The following SRCAP variants were observed in gnomAD, a reference collection of about 807,000 sequenced individuals.
The protein encoded by SRCAP is Snf2 related CREBBP activator protein.
Under a neutral mutation model 263.1 loss-of-function variants are expected in SRCAP, and 46 were observed. The ratio of observed to expected loss-of-function variants is 0.17; its 90% CI spans 0.14 to 0.22. The LOEUF is 0.22. Ranked by LOEUF, SRCAP falls within the 10% of genes least tolerant of loss-of-function variation. The pLI is 1.00. For synonymous variants in SRCAP, 1,813 were observed against 1,662.1 expected (o/e 1.09, Z -2.21); for missense variants, 3,695 against 4,181.9 (o/e 0.88, Z 3.21).
chr16:30,710,038 C>A lies in SRCAP; in HGVS notation c.1044C>A (p.Ser348=). The change falls in exon 8 of 34, where the codon TCC becomes TCA. Residue 348 remains serine (S), a synonymous_variant. Transcript: ENST00000262518. ...SLPPQLLEGP[S]SPSQTPSSHD... ...CCCCTCAGCTGTTGGAAGGGCCTTC[C>A]AGCCCCTCTCAAACCCCCTCATCTC... 8 of 1,614,134 alleles carry A rather than the reference C, an allele frequency of 5.0e-6. No homozygotes were observed. Among genetic ancestry groups the A allele is most frequent in the Non-Finnish European group, 6.8e-6 (8 of 1,180,016 alleles).
chr16:30,717,427 T>A (rs879119326), intron 18 of SRCAP, among the ~76,000 whole-genome samples: 2 of 152,044 alleles, frequency 1.3e-5, no homozygotes. Context: ...TAGTGTTTTT[T>A]GATGCACAAA....
At position 30,721,966 on chromosome 16, in the gene SRCAP, G is replaced by C. The variant is rs191718765; in HGVS notation, c.3542-156G>C. On this transcript the variant is annotated intron_variant, in intron 21 of 33. Transcript: ENST00000262518. ...GTAGCACATGAAAAGCTCAAAGGCT[G>C]TAGGTGGAGGCTGAGTTTATTGGGA... is the stretch of plus-strand genomic sequence containing the variant. 5.3e-5 allele frequency among the ~76,000 whole-genome samples: 8 copies of C among 152,326 alleles called. No individual in the cohort carries two copies. In the East Asian group the frequency reaches 1.5e-3, roughly 29 times the overall value.
Position 30,699,217 on chromosome 16 carries a change from C to CA in SRCAP, c.-307dup, listed in dbSNP as rs2052738183. 2.5e-6 allele frequency: 1 copy of CA among 398,600 alleles called. No homozygotes were observed. Among genetic ancestry groups the CA allele is most frequent in the South Asian group, 1.3e-4 (1 of 7,858 alleles). The allele number at this position is 398,600 out of a possible 1,614,324, so 24.7% of individuals were successfully genotyped here. A position where few individuals can be genotyped will look rare whatever the true frequency, so the allele number is the denominator to read the frequency against. ...GGGAGATGGTCACGAAACCTGAAGT[C>CA]AAGAGTTAAGGCTTGTTGGCTTCTG... On this transcript the variant is annotated 5_prime_UTR_variant, in exon 1 of 34. The change abolishes the stop of an existing upstream ORF in the 5' untranslated region. Transcript: ENST00000262518.
Position 30,739,450 on chromosome 16 carries a change from C to A in SRCAP, c.9410C>A (p.Pro3137His). The change falls in exon 34 of 34, where the codon CCT becomes CAT. Residue 3137 changes from proline to histidine, a missense_variant. This residue lies in a region of SRCAP where 1,207 missense variants were observed against 1,142.9 expected (regional missense o/e 1.06). Coordinates refer to ENST00000262518, the MANE Select transcript of SRCAP (RefSeq NM_006662.3). ...CCCCCACTAGAGACTGAGAAGTTGC[C>A]TCGCAAACGAGCAGGGGCCCCAGTT... ...LVPPLETEKL[P>H]RKRAGAPVGG... 2 of 1,614,210 alleles carry A rather than the reference C, an allele frequency of 1.2e-6. No individual in the cohort carries two copies. The highest frequency in any genetic ancestry group is 1.7e-6 in the Non-Finnish European group (2 of 1,180,034).
Position 30,722,408 on chromosome 16 carries a change from C to T in SRCAP, c.3706+122C>T, listed in dbSNP as rs769727212. On this transcript the variant is annotated intron_variant, in intron 22 of 33. Coordinates refer to ENST00000262518, the MANE Select transcript of SRCAP (RefSeq NM_006662.3). ...CCAAGCTTTTGGTGGGTGGGGCCAA[C>T]GGGCATGGTTGGAGGGATCTTGGAT... is the stretch of plus-strand genomic sequence containing the variant. 253 of 1,510,170 alleles carry T rather than the reference C, an allele frequency of 1.7e-4. 1 individual carries two copies. The highest frequency in any genetic ancestry group is 2.0e-4 in the Non-Finnish European group (229 of 1,118,426). 93.5% of individuals were successfully genotyped at this position (1,510,170 alleles called of 1,614,324 possible).
chr16:30,701,623 A>G (rs946721442), intron 3 of SRCAP, among the ~76,000 whole-genome samples: 4 of 139,832 alleles, frequency 2.9e-5, no homozygotes, highest in Non-Finnish European at 6.2e-5. Flanking sequence ...TTTGTTTTCC[A>G]TTTTTTTCTT....
rs144472706 is a variant in SRCAP at position 30,710,782 on chromosome 16, A to G, written c.1163A>G (p.Gln388Arg). The G allele has an allele frequency of 1.9e-6, 3 of 1,614,164 alleles. No individual in the cohort carries two copies. The highest frequency in any genetic ancestry group is 2.2e-5 in the South Asian group (2 of 91,086). Residue 388 changes from glutamine (Q) to arginine (R), a missense_variant, in exon 9 of 34, where the codon CAG (glutamine) becomes CGG (arginine). Coordinates refer to ENST00000262518, the MANE Select transcript of SRCAP (RefSeq NM_006662.3). ...AAGCCCCCACCCTCTGCTGTCACAC[A>G]GCGCAACAAACAGCCTTGGCATCCA... ...EIKPPPSAVTQRNKQPWHPDE... is the reference protein window; with the variant it reads ...EIKPPPSAVTRRNKQPWHPDE...
rs1464985624 is a variant in SRCAP at position 30,722,953 on chromosome 16, C to T, written c.3893-10C>T. 1 of 1,600,976 alleles carries T rather than the reference C, an allele frequency of 6.2e-7. No homozygotes were observed. The highest frequency in any genetic ancestry group is 8.5e-7 in the Non-Finnish European group (1 of 1,170,016). ...TTCTACCTTCCTCTCAGTGTAGCTT[C>T]CTCTTGCAGTGCCACCAACCATGGT... On this transcript the variant is annotated splice_polypyrimidine_tract_variant and intron_variant, in intron 23 of 33. Transcript: ENST00000262518.
At chr16:30,716,249 AGGT>A (rs1319537616) in intron 17 of SRCAP, 41 bp from the exon 18 acceptor site, 1 of 1,613,434 alleles carries the variant, frequency 6.2e-7, no homozygotes, top group Admixed American at 1.7e-5. Flanking sequence ...ATTGGAGTGT[AGGT>A]GGCTGTTAGG....
At chr16:30,722,896 A>G (rs1469367983) in intron 23 of SRCAP, 67 bp from the exon 24 acceptor site, 17 of 1,556,554 alleles carry the variant, frequency 1.1e-5, no homozygotes, top group Admixed American at 5.6e-5. Context: ...CTGCCCCTGG[A>G]CTTCTTCCAT....
Position 30,710,994 on chromosome 16 carries a change from C to G in SRCAP, c.1229-5C>G. On this transcript the variant is annotated splice_region_variant and splice_polypyrimidine_tract_variant and intron_variant, in intron 9 of 33. Transcript: ENST00000262518. ...CTATTAATCTTGCTTCTGTCTCTTT[C>G]CTAGCGGAGGATGAAGAGGATACTA... is the stretch of plus-strand genomic sequence containing the variant. The G allele has an allele frequency of 6.2e-7, 1 of 1,613,532 alleles. No homozygotes were observed. The highest frequency in any genetic ancestry group is 1.3e-5 in the African/African-American group (1 of 75,028).
chr16:30,714,506 G>GTTTTTTTTT (rs1596649452), intron 16 of SRCAP, among the ~76,000 whole-genome samples: 1 of 10,022 alleles, frequency 1.0e-4, no homozygotes. Flanking sequence ...ACCGTGCCGG[G>GTTTTTTTTT]CTTTTTTTTT....
intron 30 of SRCAP, 154 bp downstream of exon 30, chr16:30,734,162 A>G (rs1010223740): frequency 2.6e-5 from 18 of 701,986 alleles, no homozygotes; most frequent in Non-Finnish European, 3.8e-5. Flanking sequence ...GGCCAACATG[A>G]TGAAACCCTG....
In SRCAP at chr16:30,733,042, G is replaced by A. The variant is rs551094172; in HGVS notation, c.6128-238G>A. 6.6e-6 allele frequency among the ~76,000 whole-genome samples: 1 copy of A among 152,214 alleles called. No homozygotes were observed. The highest frequency in any genetic ancestry group is 6.5e-5 in the Admixed American group (1 of 15,288). ...GTAGAGACAGGGTCTCATCATGTTG[G>A]CCAGGCTGGTCTTGAACTCCCGACT... is the stretch of plus-strand genomic sequence containing the variant. On this transcript the variant is annotated intron_variant, in intron 27 of 33. Coordinates refer to ENST00000262518, the MANE Select transcript of SRCAP (RefSeq NM_006662.3). This position sits in a 1 kb window ranked among gnomAD's most constrained non-coding sequence, Gnocchi z 5.3.
At chr16:30,735,781 A>G (rs903500869) in intron 31 of SRCAP, among the ~76,000 whole-genome samples, 6 of 149,994 alleles carry the variant, frequency 4.0e-5, no homozygotes, top group African/African-American at 9.8e-5. Context: ...GGGTTTCACC[A>G]TGTTGGTCAG....
chr16:30,719,839 T>C (rs949929502), intron 18 of SRCAP, among the ~76,000 whole-genome samples: 10 of 152,128 alleles, frequency 6.6e-5, no homozygotes, highest in African/African-American at 2.4e-4. Context: ...AGGGTGTACA[T>C]GTGCAGGTTT....
At chr16:30,703,954 T>TA in intron 3 of SRCAP, 110 bp from the exon 4 acceptor site, 2 of 1,298,640 alleles carry the variant, frequency 1.5e-6, no homozygotes, top group East Asian at 2.4e-5. Flanking sequence ...ATAAGGTTTA[T>TA]ACCTTACTCT....
rs1298046581 is a variant in SRCAP, at chr16:30,739,984, A to AC, written c.*256dup. 2 of 384,380 alleles carry AC rather than the reference A, an allele frequency of 5.2e-6. No homozygotes were observed. Among genetic ancestry groups the AC allele is most frequent in the Non-Finnish European group, 4.4e-6 (1 of 229,312 alleles). The allele number at this position is 384,380 out of a possible 1,614,324, so 23.8% of individuals were successfully genotyped here. ...GGGTGGCAAGATAGTCTCTGTCCCCACCCCCTTGTACTTGATTCCCCAGCT... is the reference window on the plus strand; with the variant it reads ...GGGTGGCAAGATAGTCTCTGTCCCCACCCCCCTTGTACTTGATTCCCCAGCT... On this transcript the variant is annotated 3_prime_UTR_variant, in exon 34 of 34. Transcript: ENST00000262518.
At chr16:30,719,500 C>G (rs1187909469) in intron 18 of SRCAP, among the ~76,000 whole-genome samples, 2 of 152,076 alleles carry the variant, frequency 1.3e-5, no homozygotes, top group South Asian at 4.1e-4. Context: ...CAGGCGTGAG[C>G]CACCGCACCC....
Sources: gnomAD v4.1 joint callset for allele counts (sites outside exome capture counted in the v4.1 genomes callset) on GRCh38, gnomAD v4.1.1 for gene constraint, gnomAD v4.1.1 regional missense constraint, Gnocchi (gnomAD v3.1) non-coding constraint, MANE v1.5 for transcripts, NCBI Gene and HGNC (gene_info 2026-07-23, HGNC 2026-07-21) for gene names.